The following EBF1 variants were observed in gnomAD, a reference collection of about 807,000 sequenced individuals.
The protein encoded by EBF1 is transcription factor COE1.
Under a neutral mutation model 68.4 loss-of-function variants are expected in EBF1, and 10 were observed. That is an observed-to-expected ratio of 0.15 (90% CI 0.09 to 0.25). EBF1 has a LOEUF of 0.25. Among genes scored for constraint, EBF1 ranks in the 10% least tolerant of loss-of-function variants. The probability of loss-of-function intolerance (pLI) is 1.00; values close to 1 mark genes in which losing one functional copy is unlikely to be tolerated. For synonymous variants in EBF1, 298 were observed against 299.8 expected (o/e 0.99, Z 0.06); for missense variants, 509 against 794.4 (o/e 0.64, Z 4.32).
intron 7 of EBF1, among the ~76,000 whole-genome samples, 193 bp downstream of exon 7, chr5:158,839,836 G>A (rs568439481): frequency 2.0e-5 from 3 of 152,300 alleles, no homozygotes; most frequent in Non-Finnish European, 4.4e-5. Flanking sequence ...TTCCACCAGT[G>A]AGCACAGGTG....
At chr5:158,972,944 A>C (rs547601984) in intron 6 of EBF1, among the ~76,000 whole-genome samples, 3 of 152,282 alleles carry the variant, frequency 2.0e-5, no homozygotes, top group Admixed American at 6.5e-5. Context: ...CTGCTCCTTC[A>C]GGTCTTGGCT....
chr5:159,085,486 C>T (rs528677850), intron 4 of EBF1, among the ~76,000 whole-genome samples: 4 of 152,134 alleles, frequency 2.6e-5, no homozygotes, highest in South Asian at 4.1e-4. Context: ...GTTTGTAAAA[C>T]GAACATTTTA....
chr5:158,979,167 C>T (rs1007965997), intron 6 of EBF1, among the ~76,000 whole-genome samples: 2 of 152,096 alleles, frequency 1.3e-5, no homozygotes, highest in African/African-American at 4.8e-5. Context: ...GAGAAGAATG[C>T]TATTAGAGAC....
intron 6 of EBF1, among the ~76,000 whole-genome samples, chr5:158,883,514 G>T (rs752658537): frequency 6.6e-6 from 1 of 151,864 alleles, no homozygotes; most frequent in Admixed American, 6.6e-5. Flanking sequence ...ATGCCCCACC[G>T]TGCACTCCCT....
At chr5:158,960,080 G>C (rs1329017086) in intron 6 of EBF1, among the ~76,000 whole-genome samples, 1 of 152,148 alleles carries the variant, frequency 6.6e-6, no homozygotes, top group Non-Finnish European at 1.5e-5. Flanking sequence ...AATTGATAGA[G>C]AAGGGTCTGA....
At chr5:159,096,556 G>A (rs1782642842) in intron 2 of EBF1, 150 bp from the exon 3 acceptor site, 1 of 815,554 alleles carries the variant, frequency 1.2e-6, no homozygotes, top group African/African-American at 1.7e-5. Flanking sequence ...GTGGCCAATT[G>A]TGATCCCTCC....
intron 6 of EBF1, among the ~76,000 whole-genome samples, chr5:158,848,069 T>A (rs1416870663): frequency 6.6e-6 from 1 of 152,210 alleles, no homozygotes; most frequent in Non-Finnish European, 1.5e-5. Flanking sequence ...CTGCACCATG[T>A]GTAAGGCCGT....
At chr5:159,048,487 G>A (rs923216375) in intron 6 of EBF1, among the ~76,000 whole-genome samples, 2 of 152,190 alleles carry the variant, frequency 1.3e-5, no homozygotes, top group African/African-American at 4.8e-5. Flanking sequence ...GAGGGGACAG[G>A]TGCCAGGAGA....
chr5:159,084,292 G>A (rs1038425100), intron 5 of EBF1, among the ~76,000 whole-genome samples: 3 of 152,110 alleles, frequency 2.0e-5, no homozygotes, highest in Non-Finnish European at 4.4e-5. Flanking sequence ...AGAAGACTCT[G>A]CTGACATCAA....
intron 6 of EBF1, among the ~76,000 whole-genome samples, chr5:159,035,883 G>T (rs963105966): frequency 6.6e-6 from 1 of 152,136 alleles, no homozygotes; most frequent in Non-Finnish European, 1.5e-5. Context: ...TCCTTTTGGG[G>T]TTCGAAGGAC....
chr5:158,881,564 T>C (rs1011389674), intron 6 of EBF1, among the ~76,000 whole-genome samples: 2 of 152,214 alleles, frequency 1.3e-5, no homozygotes. Context: ...CAGGTCTGTA[T>C]GTGCTGCGGG....
intron 6 of EBF1, among the ~76,000 whole-genome samples, chr5:158,860,776 C>T (rs892455799): frequency 1.3e-5 from 2 of 152,168 alleles, no homozygotes; most frequent in South Asian, 4.1e-4. Context: ...GCGCATCTTG[C>T]GTCTCTGTTG....
At chr5:159,058,634 A>G (rs1296319611) in intron 6 of EBF1, among the ~76,000 whole-genome samples, 1 of 152,222 alleles carries the variant, frequency 6.6e-6, no homozygotes, top group Non-Finnish European at 1.5e-5. Flanking sequence ...CCGGAAACCC[A>G]AAGGAACTGC....
chr5:159,087,275 C>CATATATATATATAT (rs1164683932), intron 4 of EBF1, among the ~76,000 whole-genome samples: 2 of 144,850 alleles, frequency 1.4e-5, no homozygotes, highest in Non-Finnish European at 3.0e-5. Flanking sequence ...TATACACACA[C>CATATATATATATAT]ACATATATAT....
intron 6 of EBF1, among the ~76,000 whole-genome samples, chr5:159,008,364 T>TCACA (rs762163152): frequency 6.6e-6 from 1 of 151,524 alleles, no homozygotes; most frequent in African/African-American, 2.4e-5. Context: ...TTTTTAAAAA[T>TCACA]CACACACACA....
At chr5:159,091,753 C>T (rs1017405117) in intron 4 of EBF1, among the ~76,000 whole-genome samples, 8 of 152,170 alleles carry the variant, frequency 5.3e-5, no homozygotes, top group Admixed American at 5.2e-4. Flanking sequence ...ATCAAGAAGT[C>T]TAGCTGGGAA....
intron 6 of EBF1, among the ~76,000 whole-genome samples, chr5:158,929,699 TAC>T (rs1354162946): frequency 6.6e-6 from 1 of 151,458 alleles, no homozygotes; most frequent in African/African-American, 2.4e-5. Context: ...AATGCTTGTG[TAC>T]AGAGAAAAAA....
chr5:158,991,763 G>A (rs923036681), intron 6 of EBF1, among the ~76,000 whole-genome samples: 2 of 152,168 alleles, frequency 1.3e-5, no homozygotes, highest in African/African-American at 2.4e-5. Context: ...TTTCAACCAA[G>A]CTAGTTTTAT....
At chr5:158,813,936 G>A (rs1221965569) in intron 8 of EBF1, among the ~76,000 whole-genome samples, 1 of 152,124 alleles carries the variant, frequency 6.6e-6, no homozygotes, top group Non-Finnish European at 1.5e-5. Context: ...TCAAGTGAGG[G>A]GAGCTCCTGT....
Sources: gnomAD v4.1 joint callset for allele counts (sites outside exome capture counted in the v4.1 genomes callset) on GRCh38, gnomAD v4.1.1 for gene constraint, MANE v1.5 for transcripts, NCBI Gene and HGNC (gene_info 2026-07-23, HGNC 2026-07-21) for gene names.